Variants in GPATCH2 observed in about 807,000 individuals in gnomAD.
GPATCH2 encodes the protein G patch domain-containing protein 2.
A neutral mutation model predicts 58.0 loss-of-function variants in GPATCH2; 51 were observed. The observed-to-expected ratio is 0.88, with a 90% CI of 0.70 to 1.11. GPATCH2 has a LOEUF of 1.11. Among genes scored for constraint, GPATCH2 ranks in the 50% most tolerant of loss-of-function variants. GPATCH2 has a pLI of 0.00. For missense variants in GPATCH2, 625 were observed against 652.2 expected (o/e 0.96, Z 0.45); for synonymous variants, 222 against 218.5 (o/e 1.02, Z -0.14).
chr1:217,454,235 A>G (rs933428163), intron 8 of GPATCH2, among the ~76,000 whole-genome samples: 1 of 152,122 alleles, frequency 6.6e-6, no homozygotes, highest in African/African-American at 2.4e-5. Flanking sequence ...GCACAATACA[A>G]TAAGTATCAA....
At position 217,620,154 on chromosome 1, in the gene GPATCH2, A is replaced by G; in HGVS notation, c.402T>C (p.Asn134=). Residue 134 remains asparagine (N), a synonymous_variant, in exon 2 of 10, where the codon AAT becomes AAC. Transcript: ENST00000366935. Reference sequence around the variant, plus strand: ...ATAGAGGTCTTTTCCCTCGAACATTATTATTTAAGTTTGATGACGGCCTGC... The same window carrying G: ...ATAGAGGTCTTTTCCCTCGAACATTGTTATTTAAGTTTGATGACGGCCTGC... ...AKRRPSSNLN[N]NVRGKRPLWH... is the part of the protein sequence containing the mutation. The G allele has an allele frequency of 6.2e-7, 1 of 1,614,062 alleles. No homozygotes were observed. The highest frequency in any genetic ancestry group is 1.7e-5 in the Admixed American group (1 of 60,026).
chr1:217,484,483 G>A (rs1446609373), intron 8 of GPATCH2, among the ~76,000 whole-genome samples: 2 of 150,972 alleles, frequency 1.3e-5, no homozygotes, highest in Non-Finnish European at 3.0e-5. Context: ...GTCAGCTGAA[G>A]ATCTTGGGAC....
intron 8 of GPATCH2, among the ~76,000 whole-genome samples, chr1:217,480,347 T>C (rs1408020541): frequency 6.6e-6 from 1 of 152,084 alleles, no homozygotes; most frequent in East Asian, 1.9e-4. Flanking sequence ...TGAATAGACA[T>C]TTCTCAAAAG....
At chr1:217,444,239 G>A (rs1385865509) in intron 9 of GPATCH2, among the ~76,000 whole-genome samples, 2 of 152,156 alleles carry the variant, frequency 1.3e-5, no homozygotes, top group African/African-American at 4.8e-5. Context: ...TCTGATGATG[G>A]AGCTTTTAGA....
intron 5 of GPATCH2, among the ~76,000 whole-genome samples, chr1:217,597,321 A>G (rs1301220517): frequency 1.3e-5 from 2 of 151,918 alleles, no homozygotes; most frequent in Non-Finnish European, 2.9e-5. Context: ...TAGCCTGGGC[A>G]ACAGAGTGAG....
intron 6 of GPATCH2, among the ~76,000 whole-genome samples, chr1:217,511,278 G>C (rs1308817692): frequency 6.6e-6 from 1 of 152,124 alleles, no homozygotes; most frequent in East Asian, 1.9e-4. Context: ...GTGCACCAAA[G>C]ATTAGGATTG....
intron 6 of GPATCH2, among the ~76,000 whole-genome samples, chr1:217,501,306 C>T (rs1237652154): frequency 6.6e-6 from 1 of 152,032 alleles, no homozygotes; most frequent in Non-Finnish European, 1.5e-5. Flanking sequence ...AGCAGTATTC[C>T]ATTGCATGGG....
intron 5 of GPATCH2, among the ~76,000 whole-genome samples, chr1:217,577,164 G>C (rs139836503): frequency 2.6e-4 from 39 of 152,214 alleles, no homozygotes; most frequent in African/African-American, 9.1e-4. Context: ...CAGGACCACT[G>C]GAAAGATAAT....
chr1:217,491,573 A>C (rs1225409558), intron 8 of GPATCH2, 107 bp downstream of exon 8: 1 of 515,082 alleles, frequency 1.9e-6, no homozygotes, highest in African/African-American at 2.0e-5. Context: ...AAAATATTTT[A>C]AGGTGACTTT....
rs984389103 is a variant in GPATCH2, at chr1:217,591,973, TGAG to T, written c.1098+18345_1098+18347del. Reference sequence around the variant, plus strand: ...TAGAAATTAATTTGGCAAGTCCAAATGAGTAATATATTTTATATTAAAGACTTC... The same window carrying T: ...TAGAAATTAATTTGGCAAGTCCAAATTAATATATTTTATATTAAAGACTTC... On this transcript the variant is annotated intron_variant, in intron 5 of 9. Coordinates refer to ENST00000366935, the MANE Select transcript of GPATCH2 (RefSeq NM_018040.5). Among the ~76,000 whole-genome samples, 6 of 151,102 alleles carry T rather than the reference TGAG, an allele frequency of 4.0e-5. No homozygotes were observed. The Admixed American group carries it at 4.0e-4, about 10-fold the overall frequency.
At position 217,620,240 on chromosome 1, in the gene GPATCH2, T is replaced by A. The variant is rs1421433108; in HGVS notation, c.316A>T (p.Asn106Tyr). The A allele has an allele frequency of 1.9e-6, 3 of 1,613,722 alleles. No homozygotes were observed. Among genetic ancestry groups the A allele is most frequent in the Admixed American group, 3.3e-5 (2 of 59,982 alleles). ...LEEPSKDYRE[N>Y]HNNNKKDHSD... ...TGATCTTTTTTATTATTATTGTGAT[T>A]CTCTCTATAGTCCTTGCTTGGTTCT... The change falls in exon 2 of 10, where the codon AAT becomes TAT. Residue 106 changes from asparagine to tyrosine, a missense_variant. Physicochemically the swap from Asn to Tyr is moderately radical, Grantham distance 143. Transcript: ENST00000366935.
In GPATCH2 at chr1:217,443,258, C is replaced by T. The variant is rs566555756; in HGVS notation, c.1366+5991G>A. On this transcript the variant is annotated intron_variant, in intron 9 of 9. Coordinates refer to ENST00000366935, the MANE Select transcript of GPATCH2 (RefSeq NM_018040.5). ...AATTTAGTAGTGGTCAGTCTTTATC[C>T]GAAATGACTTTATTTCATCCTCACT... Among the ~76,000 whole-genome samples, 21 of 152,134 alleles carry T rather than the reference C, an allele frequency of 1.4e-4. No individual in the cohort carries two copies. In the South Asian group the frequency reaches 3.3e-3, roughly 24 times the overall value.
At chr1:217,474,003 C>A (rs968924040) in intron 8 of GPATCH2, among the ~76,000 whole-genome samples, 1 of 152,162 alleles carries the variant, frequency 6.6e-6, no homozygotes, top group African/African-American at 2.4e-5. Context: ...GATTATAGGA[C>A]TCATTATGCA....
In GPATCH2 at chr1:217,429,132, C is replaced by T. The variant is rs1006199870; in HGVS notation, c.*2013G>A. On this transcript the variant is annotated 3_prime_UTR_variant, in exon 10 of 10. Transcript: ENST00000366935. Reference sequence around the variant, plus strand: ...CTCAAACACCAAATTTTGAATAGACCCCAGAGCACAATACACTATCACAAA... The same window carrying T: ...CTCAAACACCAAATTTTGAATAGACTCCAGAGCACAATACACTATCACAAA... 3 of 151,864 alleles carry T rather than the reference C, an allele frequency of 2.0e-5. No individual in the cohort carries two copies. The highest frequency in any genetic ancestry group is 7.3e-5 in the African/African-American group (3 of 41,332). The allele number at this position is 151,864 out of a possible 1,614,324, so 9.4% of individuals were successfully genotyped here.
At chr1:217,607,933 T>C (rs1203799301) in intron 5 of GPATCH2, among the ~76,000 whole-genome samples, 1 of 152,136 alleles carries the variant, frequency 6.6e-6, no homozygotes, top group Non-Finnish European at 1.5e-5. Flanking sequence ...GCTCCATGTG[T>C]TTTACTTTGC....
chr1:217,617,986 C>A (rs1159607974), intron 2 of GPATCH2, among the ~76,000 whole-genome samples: 2 of 151,968 alleles, frequency 1.3e-5, no homozygotes, highest in East Asian at 1.9e-4. Flanking sequence ...GGGGAGCTTG[C>A]ACAATGAATC....
intron 7 of GPATCH2, among the ~76,000 whole-genome samples, chr1:217,495,745 GA>G (rs1443544674): frequency 3.3e-5 from 5 of 152,124 alleles, no homozygotes; most frequent in Non-Finnish European, 5.9e-5. Flanking sequence ...CACCTCAGGG[GA>G]AAAACTATGT....
intron 5 of GPATCH2, among the ~76,000 whole-genome samples, chr1:217,563,633 GAAAT>G (rs1381972441): frequency 6.6e-6 from 1 of 152,120 alleles, no homozygotes; most frequent in Non-Finnish European, 1.5e-5. Context: ...AAACAGGAGA[GAAAT>G]AATTTTTGAC....
chr1:217,506,161 T>A (rs1265451721), intron 6 of GPATCH2, among the ~76,000 whole-genome samples: 2 of 152,218 alleles, frequency 1.3e-5, no homozygotes, highest in Admixed American at 1.3e-4. Context: ...GTTTCATAAC[T>A]ACCATACTGG....
Sources: allele counts gnomAD v4.1 joint callset (sites outside exome capture counted in the v4.1 genomes callset), GRCh38; gene constraint gnomAD v4.1.1; transcripts MANE v1.5; gene names NCBI Gene and HGNC (gene_info 2026-07-23, HGNC 2026-07-21).